ZNF534: variants seen among roughly 807,000 people sequenced by gnomAD.
ZNF534 encodes the protein KRAB domain only 3.
A neutral mutation model predicts 13.6 loss-of-function variants in ZNF534; 19 were observed. The ratio of observed to expected loss-of-function variants is 1.40; its 90% CI spans 0.97 to 2.05. ZNF534 has a LOEUF of 2.05. Ranked by LOEUF, ZNF534 falls within the 30% of genes most tolerant of loss-of-function variation. The pLI is 0.00. For missense variants in ZNF534, 782 were observed against 796.3 expected (o/e 0.98, Z 0.22); for synonymous variants, 244 against 273.8 (o/e 0.89, Z 1.07).
downstream of ZNF534, among the ~76,000 whole-genome samples, chr19:52,443,210 G>A (rs557457468): frequency 2.8e-4 from 42 of 152,218 alleles, no homozygotes; most frequent in African/African-American, 9.6e-4. Context: ...GTTAATTTTC[G>A]ATAACCTGAT....
Position 52,438,275 on chromosome 19 carries a change from A to G in ZNF534, c.815A>G (p.Asn272Ser), listed in dbSNP as rs769552744. ...KIHTGQKPYNNKECGKVFSHH... is the reference protein window; with the variant it reads ...KIHTGQKPYNSKECGKVFSHH... ...CATACTGGACAGAAACCTTACAATA[A>G]CAAAGAATGTGGGAAAGTCTTTAGT... Residue 272 changes from asparagine (N) to serine (S), a missense_variant, in exon 5 of 5, where the codon AAC (asparagine) becomes AGC (serine). Transcript: ENST00000433050. 3.7e-6 allele frequency: 6 copies of G among 1,605,090 alleles called. No homozygotes were observed. In the South Asian group the frequency reaches 6.6e-5, roughly 18 times the overall value.
downstream of ZNF534, among the ~76,000 whole-genome samples, chr19:52,445,259 C>T (rs1410548235): frequency 6.6e-6 from 1 of 151,560 alleles, no homozygotes; most frequent in African/African-American, 2.4e-5. Context: ...TGCAGTGGTG[C>T]AGTCTCCGAT....
intron 4 of ZNF534, among the ~76,000 whole-genome samples, chr19:52,450,708 T>G (rs2059211382): frequency 8.0e-6 from 1 of 125,478 alleles, no homozygotes; most frequent in Non-Finnish European, 1.7e-5. Flanking sequence ...TTTTTTTTTT[T>G]TAGACAAGGT....
Position 52,429,592 on chromosome 19 carries a change from C to CTTT in ZNF534, c.-68+363_-68+365dup, listed in dbSNP as rs112310318. ...ATCTGCTCGTTAGTCACTTAATAGT[C>CTTT]TTTTTTTTTTTTTTTTTCCTGAGAC... On this transcript the variant is annotated intron_variant, in intron 1 of 4. Coordinates refer to ENST00000433050, the MANE Select transcript of ZNF534 (RefSeq NM_001143938.3). 2.2e-5 allele frequency among the ~76,000 whole-genome samples: 3 copies of CTTT among 137,988 alleles called. 1 individual carries two copies. Among genetic ancestry groups the CTTT allele is most frequent in the Admixed American group, 7.3e-5 (1 of 13,686 alleles). The allele number at this position is 137,988 out of a possible 152,430, so 90.5% of individuals were successfully genotyped here.
intron 4 of ZNF534, among the ~76,000 whole-genome samples, chr19:52,450,288 T>C (rs1325468559): frequency 1.3e-5 from 2 of 152,166 alleles, no homozygotes; most frequent in Admixed American, 6.5e-5. Context: ...TGTTTTCTTA[T>C]AGTTTTATAG....
intron 1 of ZNF534, among the ~76,000 whole-genome samples, chr19:52,429,651 A>G (rs2059073781): frequency 6.7e-6 from 1 of 149,376 alleles, no homozygotes; most frequent in Non-Finnish European, 1.5e-5. Flanking sequence ...GCTGGAGTGC[A>G]ATGGCGTGAT....
chr19:52,440,089 T>A lies in ZNF534; in HGVS notation c.*643T>A, dbSNP rs1191668428. On this transcript the variant is annotated 3_prime_UTR_variant, in exon 5 of 5. Coordinates refer to ENST00000433050, the MANE Select transcript of ZNF534 (RefSeq NM_001143938.3). ...TTCTTTAAAAACAAAACAAAAAAAG[T>A]TATGAAGCCTCACAAAAGTAATAAA... 6.6e-6 allele frequency among the ~76,000 whole-genome samples: 1 copy of A among 151,810 alleles called. No homozygotes were observed. Among genetic ancestry groups the A allele is most frequent in the Non-Finnish European group, 1.5e-5 (1 of 67,920 alleles).
chr19:52,444,354 G>C (rs1193167005), downstream of ZNF534, among the ~76,000 whole-genome samples: 1 of 152,150 alleles, frequency 6.6e-6, no homozygotes, highest in Non-Finnish European at 1.5e-5. Context: ...GATACGAACT[G>C]TCTATGAGTC....
rs2561005 is a variant in ZNF534, at chr19:52,441,225, G to A, written c.*1779G>A. On this transcript the variant is annotated 3_prime_UTR_variant, in exon 5 of 5. Coordinates refer to ENST00000433050, the MANE Select transcript of ZNF534 (RefSeq NM_001143938.3). ...AGCTTGAGAAATCATATGAATATATGGAATGTACTCCAGGCATGGTGGCTC... is the reference window on the plus strand; with the variant it reads ...AGCTTGAGAAATCATATGAATATATAGAATGTACTCCAGGCATGGTGGCTC... Among the ~76,000 whole-genome samples the A allele has an allele frequency of 0.94, 143,701 of 152,276 alleles. 68,045 individuals carry two copies. The highest frequency in any genetic ancestry group is 0.96 in the Non-Finnish European group (65,609 of 68,028).
At chr19:52,445,849 C>A (rs1205009388), downstream of ZNF534, among the ~76,000 whole-genome samples, 5 of 152,128 alleles carry the variant, frequency 3.3e-5, no homozygotes, top group African/African-American at 1.2e-4. Context: ...AAGAATTTTT[C>A]TTATATTTTT....
chr19:52,432,961 G>A (rs1188649959), intron 2 of ZNF534, among the ~76,000 whole-genome samples: 1 of 151,982 alleles, frequency 6.6e-6, no homozygotes, highest in Non-Finnish European at 1.5e-5. Flanking sequence ...AACCACTATA[G>A]GTCGGATGTG....
chr19:52,443,064 G>A (rs568621580), downstream of ZNF534, among the ~76,000 whole-genome samples: 1 of 152,304 alleles, frequency 6.6e-6, no homozygotes, highest in East Asian at 1.9e-4. Context: ...ATCATGGAGG[G>A]GAAGGGGTGG....
Position 52,431,448 on chromosome 19 carries a change from C to CGG in ZNF534, c.-26_-25dup. On this transcript the variant is annotated 5_prime_UTR_variant, in exon 2 of 5. Transcript: ENST00000433050. Reference sequence around the variant, plus strand: ...AGACATATTATGCAAGGAAGCAACTCGGAAGAGGAAAGAAAGGAAGTCAGG... The same window carrying CGG: ...AGACATATTATGCAAGGAAGCAACTCGGGGAAGAGGAAAGAAAGGAAGTCAGG... The CGG allele has an allele frequency of 6.2e-7, 1 of 1,613,584 alleles. No individual in the cohort carries two copies. The highest frequency in any genetic ancestry group is 8.5e-7 in the Non-Finnish European group (1 of 1,179,770).
In ZNF534 at chr19:52,441,065, T is replaced by C. The variant is rs1320364022; in HGVS notation, c.*1619T>C. ...TACAAGCACATGATGCCATCATGCC[T>C]GGCTAATTTTTTGTATTTTTAGTAG... On this transcript the variant is annotated 3_prime_UTR_variant, in exon 5 of 5. Coordinates refer to ENST00000433050, the MANE Select transcript of ZNF534 (RefSeq NM_001143938.3). Among the ~76,000 whole-genome samples, 1 of 152,096 alleles carries C rather than the reference T, an allele frequency of 6.6e-6. No individual in the cohort carries two copies. Among genetic ancestry groups the C allele is most frequent in the African/African-American group, 2.4e-5 (1 of 41,440 alleles).
intron 4 of ZNF534, chr19:52,451,055 T>C (rs576456504): frequency 2.1e-5 from 11 of 521,788 alleles, no homozygotes; most frequent in Admixed American, 1.6e-4. Context: ...GTGTTGAATA[T>C]GTACATTGCG....
downstream of ZNF534, among the ~76,000 whole-genome samples, chr19:52,445,197 A>AT (rs3054888): frequency 1.1e-3 from 156 of 143,304 alleles, 1 homozygote; most frequent in African/African-American, 3.3e-3. Flanking sequence ...CACTCAGCTA[A>AT]TTTTTTTTTT....
chr19:52,442,690 T>G (rs116766308), downstream of ZNF534, among the ~76,000 whole-genome samples: 363 of 152,322 alleles, frequency 2.4e-3, 1 homozygote, highest in African/African-American at 8.3e-3. Flanking sequence ...ATATACCTCC[T>G]CCTACAGGCC....
downstream of ZNF534, among the ~76,000 whole-genome samples, chr19:52,446,455 C>T (rs549340725): frequency 4.6e-5 from 7 of 152,138 alleles, no homozygotes; most frequent in Non-Finnish European, 1.0e-4. Context: ...TGAAATTTCA[C>T]TCACTCTAGA....
intron 1 of ZNF534, among the ~76,000 whole-genome samples, chr19:52,430,227 G>C (rs1485244486): frequency 6.6e-6 from 1 of 151,900 alleles, no homozygotes; most frequent in East Asian, 1.9e-4. Context: ...TGTTGGCCAG[G>C]CTGGTCTTGA....
Sources: allele counts gnomAD v4.1 joint callset (sites outside exome capture counted in the v4.1 genomes callset), GRCh38; gene constraint gnomAD v4.1.1; transcripts MANE v1.5; gene names NCBI Gene and HGNC (gene_info 2026-07-23, HGNC 2026-07-21).